FRMD4B: variants seen among roughly 807,000 people sequenced by gnomAD.
FRMD4B encodes the protein FERM domain-containing protein 4B.
Under a neutral mutation model 141.5 loss-of-function variants are expected in FRMD4B, and 74 were observed. The observed-to-expected ratio is 0.52, with a 90% CI of 0.43 to 0.63. The LOEUF is 0.63. Ranked by LOEUF, FRMD4B falls within the 30% of genes least tolerant of loss-of-function variation. FRMD4B has a pLI of 0.00. For missense variants in FRMD4B, 1,366 were observed against 1,253.4 expected (o/e 1.09, Z -1.36); for synonymous variants, 506 against 467.9 (o/e 1.08, Z -1.05).
chr3:69,333,487 C>G (rs927358692), intron 1 of FRMD4B, among the ~76,000 whole-genome samples: 4 of 152,280 alleles, frequency 2.6e-5, no homozygotes, highest in African/African-American at 7.2e-5. Flanking sequence ...CCTTGTAGAA[C>G]TTTCAGTTTT....
chr3:69,332,377 C>G (rs1034271489), intron 1 of FRMD4B, among the ~76,000 whole-genome samples: 15 of 152,132 alleles, frequency 9.9e-5, no homozygotes, highest in Non-Finnish European at 2.1e-4. Flanking sequence ...ATGTCATACC[C>G]TCATTTTACA....
chr3:69,503,088 G>C (rs895899389), intron 1 of FRMD4B, among the ~76,000 whole-genome samples: 3 of 152,168 alleles, frequency 2.0e-5, no homozygotes, highest in Non-Finnish European at 4.4e-5. Flanking sequence ...CTGTTGGTGG[G>C]ACTGTAAACT....
intron 5 of FRMD4B, among the ~76,000 whole-genome samples, chr3:69,255,865 A>T (rs1482618271): frequency 6.6e-6 from 1 of 152,162 alleles, no homozygotes; most frequent in African/African-American, 2.4e-5. Context: ...GAGCTACTTG[A>T]TGTTGGTAGT....
At position 69,302,429 on chromosome 3, in the gene FRMD4B, C is replaced by T. The variant is rs764345484; in HGVS notation, c.330G>A (p.Gln110=). 6.3e-7 allele frequency: 1 copy of T among 1,585,324 alleles called. No homozygotes were observed. The highest frequency in any genetic ancestry group is 8.6e-7 in the Non-Finnish European group (1 of 1,157,680). ...GGTGATCTAACTGCAGCCAGTTCTG[C>T]TGACCTCTGTGAGAGCAAAGCAAAG... ...FGITFIDDTG[Q]QNWLQLDHRV... The change falls in exon 4 of 23, where the codon CAG becomes CAA. Residue 110 remains glutamine (Q), a synonymous_variant. Coordinates refer to ENST00000398540, the MANE Select transcript of FRMD4B (RefSeq NM_015123.3).
chr3:69,303,470 G>A (rs984857716), intron 3 of FRMD4B, among the ~76,000 whole-genome samples: 1 of 152,102 alleles, frequency 6.6e-6, no homozygotes, highest in Non-Finnish European at 1.5e-5. Context: ...ACATACATAT[G>A]TGCATGTATA....
At chr3:69,232,431 A>G (rs184471038) in intron 7 of FRMD4B, among the ~76,000 whole-genome samples, 71 of 152,300 alleles carry the variant, frequency 4.7e-4, no homozygotes, top group African/African-American at 1.7e-3. Flanking sequence ...CTATTTCGAT[A>G]ACTTTCCAGA....
chr3:69,520,364 AAT>A (rs1264547413), intron 1 of FRMD4B, among the ~76,000 whole-genome samples: 3 of 136,772 alleles, frequency 2.2e-5, no homozygotes, highest in Admixed American at 7.3e-5. Context: ...TATATGATGG[AAT>A]ATATATATAT....
chr3:69,286,811 A>G (rs13322015), intron 5 of FRMD4B, among the ~76,000 whole-genome samples: 76,541 of 152,068 alleles, frequency 0.5, 19,425 homozygotes, highest in Admixed American at 0.54. Context: ...TTTTTGTTTT[A>G]TTCTTGTTTT....
Position 69,169,643 on chromosome 3 carries a change from C to T in FRMD4B, c.*2218G>A, listed in dbSNP as rs775435943. Among the ~76,000 whole-genome samples, 4 of 152,126 alleles carry T rather than the reference C, an allele frequency of 2.6e-5. No individual in the cohort carries two copies. The highest frequency in any genetic ancestry group is 4.1e-4 in the South Asian group (2 of 4,826). On this transcript the variant is annotated 3_prime_UTR_variant, in exon 23 of 23. Coordinates refer to ENST00000398540, the MANE Select transcript of FRMD4B (RefSeq NM_015123.3). ...AAGTGCTGGGATTACAGGTGTGAGCCGCTATGCCTGGCCCTGAGCTTCCAT... is the reference window on the plus strand; with the variant it reads ...AAGTGCTGGGATTACAGGTGTGAGCTGCTATGCCTGGCCCTGAGCTTCCAT...
intron 14 of FRMD4B, 35 bp from the exon 15 acceptor site, chr3:69,195,399 C>T: frequency 9.0e-6 from 14 of 1,561,050 alleles, no homozygotes; most frequent in Non-Finnish European, 1.2e-5. Context: ...AAGGTTTATA[C>T]AAGGGATGTT....
intron 1 of FRMD4B, among the ~76,000 whole-genome samples, chr3:69,370,393 G>C (rs796718779): frequency 7.9e-5 from 12 of 152,300 alleles, no homozygotes; most frequent in African/African-American, 2.9e-4. Flanking sequence ...TCCCCGCCCT[G>C]GGCTGGGCAC....
chr3:69,531,422 C>T (rs1701007257), intron 1 of FRMD4B, among the ~76,000 whole-genome samples: 1 of 152,126 alleles, frequency 6.6e-6, no homozygotes, highest in South Asian at 2.1e-4. Context: ...AACCATGTGC[C>T]ATGTTTTCAT....
intron 1 of FRMD4B, among the ~76,000 whole-genome samples, chr3:69,477,532 C>T (rs1178378798): frequency 4.0e-5 from 6 of 151,768 alleles, no homozygotes; most frequent in African/African-American, 1.5e-4. Flanking sequence ...ATTGAACCAG[C>T]CTTGCATCCC....
At chr3:69,422,913 G>C (rs1705007008) in intron 2 of FRMD4B, among the ~76,000 whole-genome samples, 1 of 152,186 alleles carries the variant, frequency 6.6e-6, no homozygotes, top group Admixed American at 6.5e-5. Flanking sequence ...CTGATGGAGA[G>C]ACTGCTGAAC....
chr3:69,474,854 AG>A (rs2106957650), intron 1 of FRMD4B, among the ~76,000 whole-genome samples: 1 of 152,298 alleles, frequency 6.6e-6, no homozygotes, highest in Admixed American at 6.5e-5. Flanking sequence ...CCCTTAAACC[AG>A]GGATAAAATG....
intron 1 of FRMD4B, among the ~76,000 whole-genome samples, chr3:69,343,582 T>TGTTTG (rs1553726932): frequency 1.4e-5 from 1 of 70,924 alleles, no homozygotes; most frequent in Non-Finnish European, 3.8e-5. Flanking sequence ...TTTTTGTTTT[T>TGTTTG]TTTTTTTTTT....
intron 10 of FRMD4B, among the ~76,000 whole-genome samples, chr3:69,216,859 G>A (rs1022070510): frequency 6.6e-6 from 1 of 152,074 alleles, no homozygotes; most frequent in South Asian, 2.1e-4. Context: ...AGTTGAAATA[G>A]TCCAGGACTG....
chr3:69,428,284 C>T (rs1195204944), intron 2 of FRMD4B, among the ~76,000 whole-genome samples: 1 of 151,118 alleles, frequency 6.6e-6, no homozygotes, highest in Non-Finnish European at 1.5e-5. Context: ...TACATAACCT[C>T]TCTGTTCTCA....
chr3:69,310,577 CACACAGAGAGAGAG>C (rs1448944852), intron 3 of FRMD4B: 121 of 231,656 alleles, frequency 5.2e-4, no homozygotes, highest in East Asian at 2.3e-3. Context: ...CACACACACA[CACACAGAGAGAGAG>C]AGAGAGAGAG....
Sources: allele counts gnomAD v4.1 joint callset (sites outside exome capture counted in the v4.1 genomes callset), GRCh38; gene constraint gnomAD v4.1.1; transcripts MANE v1.5; gene names NCBI Gene and HGNC (gene_info 2026-07-23, HGNC 2026-07-21).